Variants in LRMDA observed in about 807,000 individuals in gnomAD.
LRMDA encodes leucine rich melanocyte differentiation associated.
Under a neutral mutation model 29.8 loss-of-function variants are expected in LRMDA, and 18 were observed. That is an observed-to-expected ratio of 0.60 (90% CI 0.42 to 0.90). LRMDA has a LOEUF of 0.90. Ranked by LOEUF, LRMDA falls within the 40% of genes least tolerant of loss-of-function variation. The probability of loss-of-function intolerance (pLI) is 0.00; values close to 1 mark genes in which losing one functional copy is unlikely to be tolerated. For synonymous variants in LRMDA, 125 were observed against 109.4 expected, an observed-to-expected ratio of 1.14 and a Z score of -0.89; for missense variants, 273 against 273.9, an observed-to-expected ratio of 1.00 and a Z score of 0.02.
chr10:76,274,905 T>C (rs936787097), intron 5 of LRMDA, among the ~76,000 whole-genome samples: 4 of 152,198 alleles, frequency 2.6e-5, no homozygotes, highest in African/African-American at 4.8e-5. Flanking sequence ...ATATTGTTAA[T>C]GACAATTGCA....
At chr10:75,723,830 G>A (rs1842598759) in intron 2 of LRMDA, among the ~76,000 whole-genome samples, 1 of 152,220 alleles carries the variant, frequency 6.6e-6, no homozygotes, top group Non-Finnish European at 1.5e-5. Context: ...CAGACAGGAT[G>A]CCTTTGTGAA....
rs759696722 is a variant in LRMDA, at chr10:76,047,232, G to T, written c.327G>T (p.Leu109=). 6.2e-7 allele frequency: 1 copy of T among 1,613,978 alleles called. No homozygotes were observed. Among genetic ancestry groups the T allele is most frequent in the Middle Eastern group, 1.6e-4 (1 of 6,082 alleles). Residue 109 remains leucine (L), a synonymous_variant, in exon 4 of 7, where the codon CTG becomes CTT. Transcript: ENST00000611255. ...CACCAGCTCTGGAGTACCTCAGTCTGCTGGGCAACGTGGCCTGTCCCAACG... is the reference window on the plus strand; with the variant it reads ...CACCAGCTCTGGAGTACCTCAGTCTTCTGGGCAACGTGGCCTGTCCCAACG... ...EVTPALEYLS[L]LGNVACPNEL...
At chr10:76,515,680 A>G (rs2132355807) in intron 6 of LRMDA, among the ~76,000 whole-genome samples, 1 of 152,052 alleles carries the variant, frequency 6.6e-6, no homozygotes, top group South Asian at 2.1e-4. Context: ...AAATTTTTGT[A>G]TTTTTTGTAG....
chr10:76,310,875 G>C (rs1385506588), intron 5 of LRMDA, among the ~76,000 whole-genome samples: 1 of 152,230 alleles, frequency 6.6e-6, no homozygotes, highest in African/African-American at 2.4e-5. Context: ...ATTTGGACAT[G>C]TAAAGTCAAC....
intron 2 of LRMDA, among the ~76,000 whole-genome samples, chr10:75,710,696 C>T (rs1284218985): frequency 1.3e-5 from 2 of 152,240 alleles, no homozygotes; most frequent in Admixed American, 1.3e-4. Flanking sequence ...TGAGCTGTGG[C>T]TGCAGGTTCT....
At chr10:75,672,033 G>A (rs775755710) in intron 2 of LRMDA, among the ~76,000 whole-genome samples, 23 of 152,052 alleles carry the variant, frequency 1.5e-4, no homozygotes, top group Admixed American at 6.5e-5. Flanking sequence ...TTTCTTTATG[G>A]GTTTGGGGCA....
At chr10:76,005,767 A>G (rs1847640576) in intron 2 of LRMDA, among the ~76,000 whole-genome samples, 1 of 152,044 alleles carries the variant, frequency 6.6e-6, no homozygotes, top group Non-Finnish European at 1.5e-5. Flanking sequence ...AGTCTCTACT[A>G]AAAATACAAA....
intron 2 of LRMDA, among the ~76,000 whole-genome samples, chr10:75,689,813 G>A (rs1211010044): frequency 6.6e-6 from 1 of 152,196 alleles, no homozygotes; most frequent in Non-Finnish European, 1.5e-5. Flanking sequence ...TTGCTGCTGG[G>A]AGGGAAGGCG....
At chr10:76,398,285 C>T (rs1166209065) in intron 6 of LRMDA, among the ~76,000 whole-genome samples, 2 of 152,154 alleles carry the variant, frequency 1.3e-5, no homozygotes, top group East Asian at 3.9e-4. Flanking sequence ...CCCCAGCTCC[C>T]TCCCTCTGTT....
At position 76,187,488 on chromosome 10, in the gene LRMDA, A is replaced by G. The variant is rs568300633; in HGVS notation, c.516+128705A>G. Among the ~76,000 whole-genome samples the G allele has an allele frequency of 5.9e-5, 9 of 152,282 alleles. No homozygotes were observed. The East Asian group carries it at 1.5e-3, about 26-fold the overall frequency. The stretch of plus-strand genomic sequence containing the variant: ...AGTGGATTCCAGTTTTAACCATGCA[A>G]ATCAACCAGCTGTGTAGCTTCAAGC... On this transcript the variant is annotated intron_variant, in intron 5 of 6. Transcript: ENST00000611255.
intron 6 of LRMDA, among the ~76,000 whole-genome samples, chr10:76,372,170 A>C (rs1012386837): frequency 5.9e-5 from 9 of 152,186 alleles, no homozygotes; most frequent in African/African-American, 2.2e-4. Flanking sequence ...GTATCAGTTC[A>C]CTGTGACCCT....
rs55692652 is a variant in LRMDA, at chr10:75,439,803, A to G, written c.131+1309A>G. Among the ~76,000 whole-genome samples the G allele has an allele frequency of 5.0e-3, 758 of 152,166 alleles. 2 individuals carry two copies. The highest frequency in any genetic ancestry group is 8.5e-3 in the Non-Finnish European group (578 of 68,000). ...CATGCTGACTCTAGAGAAATGAAGG[A>G]TGTGTTTTTTGTTCCAGTACCTAAG... On this transcript the variant is annotated intron_variant, in intron 2 of 6. Coordinates refer to ENST00000611255, the MANE Select transcript of LRMDA (RefSeq NM_001305581.2).
intron 2 of LRMDA, among the ~76,000 whole-genome samples, chr10:75,861,244 T>G (rs570580873): frequency 1.7e-4 from 26 of 152,228 alleles, no homozygotes; most frequent in Non-Finnish European, 3.2e-4. Context: ...CATGGGGTTA[T>G]TACAGTGAAG....
At chr10:76,197,173 C>G (rs1365184565) in intron 5 of LRMDA, among the ~76,000 whole-genome samples, 1 of 152,136 alleles carries the variant, frequency 6.6e-6, no homozygotes, top group African/African-American at 2.4e-5. Context: ...ATCTTTAATG[C>G]TTTCATATCA....
intron 2 of LRMDA, among the ~76,000 whole-genome samples, chr10:75,752,152 G>C (rs557327733): frequency 6.7e-6 from 1 of 149,350 alleles, no homozygotes; most frequent in Non-Finnish European, 1.5e-5. Context: ...ATATGATTCT[G>C]TTTGGTCATT....
intron 2 of LRMDA, among the ~76,000 whole-genome samples, chr10:75,535,597 GA>G (rs1295194224): frequency 6.6e-6 from 1 of 152,042 alleles, no homozygotes; most frequent in Non-Finnish European, 1.5e-5. Context: ...AAATCACCCA[GA>G]CCAAAGAACC....
intron 2 of LRMDA, among the ~76,000 whole-genome samples, chr10:75,745,882 C>T (rs892232016): frequency 3.3e-5 from 5 of 152,200 alleles, no homozygotes; most frequent in African/African-American, 4.8e-5. Flanking sequence ...TGTGCCTCAA[C>T]GTGGGTTTCA....
chr10:76,144,689 T>C (rs916024860), intron 5 of LRMDA, among the ~76,000 whole-genome samples: 2 of 152,116 alleles, frequency 1.3e-5, no homozygotes, highest in African/African-American at 4.8e-5. Flanking sequence ...TTTATTTCCT[T>C]CTCCTGCCTG....
chr10:75,961,486 G>A (rs1846764950), intron 2 of LRMDA, among the ~76,000 whole-genome samples: 1 of 152,190 alleles, frequency 6.6e-6, no homozygotes, highest in Non-Finnish European at 1.5e-5. Flanking sequence ...GAACATGTTT[G>A]TTGAAGGGTC....
Sources: gnomAD v4.1 joint callset for allele counts (sites outside exome capture counted in the v4.1 genomes callset) on GRCh38, gnomAD v4.1.1 for gene constraint, MANE v1.5 for transcripts, NCBI Gene and HGNC (gene_info 2026-07-23, HGNC 2026-07-21) for gene names.